Variants in PRELID2 observed in about 807,000 individuals in gnomAD.
The protein encoded by PRELID2 is PRELI domain-containing protein 2.
In PRELID2, 25 loss-of-function variants were observed where a neutral mutation model predicts 28.4. The observed-to-expected ratio is 0.88, with a 90% CI of 0.64 to 1.23. The LOEUF (loss-of-function observed/expected upper bound fraction) is 1.23, where lower values mean the gene tolerates loss of function less well. PRELID2 is among the 50% of genes most tolerant of loss of function. The probability of loss-of-function intolerance (pLI) is 0.00; values close to 1 mark genes in which losing one functional copy is unlikely to be tolerated. For synonymous variants in PRELID2, 76 were observed against 71.6 expected (o/e 1.06, Z -0.31); for missense variants, 201 against 214.4 (o/e 0.94, Z 0.39).
the PRELID2 span, among the ~76,000 whole-genome samples, chr5:145,282,193 A>T: frequency 6.6e-6 from 1 of 152,204 alleles, no homozygotes; most frequent in Admixed American, 6.5e-5. Flanking sequence ...ACTCATTTTT[A>T]TGGCTACCTT....
the PRELID2 span, among the ~76,000 whole-genome samples, chr5:145,392,803 C>T: frequency 0.31 from 47,126 of 151,944 alleles, 7,818 homozygotes; most frequent in East Asian, 0.7. Context: ...AACATGAACA[C>T]GAATGTTCTT....
At chr5:145,610,003 C>T (rs931328227) in intron 1 of PRELID2, among the ~76,000 whole-genome samples, 1 of 152,212 alleles carries the variant, frequency 6.6e-6, no homozygotes, top group Admixed American at 6.5e-5. Flanking sequence ...CTGGTCTGCT[C>T]CAGATCCCAA....
the PRELID2 span, among the ~76,000 whole-genome samples, chr5:145,405,513 A>C: frequency 6.6e-6 from 1 of 151,970 alleles, no homozygotes. Context: ...TTTCTGTTTC[A>C]CTTAACATAA....
At chr5:145,394,405 G>T in the PRELID2 span, among the ~76,000 whole-genome samples, 8 of 147,126 alleles carry the variant, frequency 5.4e-5, no homozygotes, top group African/African-American at 2.0e-4. Flanking sequence ...GACACAGGAG[G>T]GGGAACATCA....
At chr5:145,270,048 C>A in the PRELID2 span, among the ~76,000 whole-genome samples, 1 of 151,530 alleles carries the variant, frequency 6.6e-6, no homozygotes, top group Non-Finnish European at 1.5e-5. Flanking sequence ...CAATTGCACA[C>A]AGGCTAGAAT....
chr5:145,630,173 G>A (rs2149657952), intron 1 of PRELID2, among the ~76,000 whole-genome samples: 2 of 151,146 alleles, frequency 1.3e-5, no homozygotes, highest in Middle Eastern at 6.8e-3. Context: ...TGAGTGGGTG[G>A]ATAGGTGGAT....
intron 1 of PRELID2, among the ~76,000 whole-genome samples, chr5:145,503,466 A>C (rs1752377393): frequency 6.6e-6 from 1 of 152,200 alleles, no homozygotes; most frequent in South Asian, 2.1e-4. Flanking sequence ...ATACGAGCTC[A>C]CATTTATTAA....
the PRELID2 span, among the ~76,000 whole-genome samples, chr5:145,409,375 T>C: frequency 6.6e-6 from 1 of 152,170 alleles, no homozygotes; most frequent in African/African-American, 2.4e-5. Context: ...AATATCTCAA[T>C]ACTAACGTTG....
At chr5:145,237,581 T>G in the PRELID2 span, among the ~76,000 whole-genome samples, 3 of 152,106 alleles carry the variant, frequency 2.0e-5, no homozygotes, top group Non-Finnish European at 2.9e-5. Flanking sequence ...CGTTTGCTGG[T>G]CTAAAGCCGA....
chr5:145,388,808 C>T, the PRELID2 span, among the ~76,000 whole-genome samples: 10 of 152,092 alleles, frequency 6.6e-5, no homozygotes, highest in Non-Finnish European at 1.5e-5. Context: ...ACTATCTGGA[C>T]CACCCAATTT....
At chr5:145,807,183 A>G (rs2149837006) in intron 4 of PRELID2, among the ~76,000 whole-genome samples, 1 of 152,284 alleles carries the variant, frequency 6.6e-6, no homozygotes, top group East Asian at 1.9e-4. Context: ...TTCAGCTCCA[A>G]TACAATCTTA....
chr5:145,723,152 C>T (rs2149719074), intron 1 of PRELID2, among the ~76,000 whole-genome samples: 1 of 152,066 alleles, frequency 6.6e-6, no homozygotes, highest in South Asian at 2.1e-4. Flanking sequence ...TATTTACAAG[C>T]AAATAGAATT....
intron 1 of PRELID2, among the ~76,000 whole-genome samples, chr5:145,525,368 T>C (rs1752598338): frequency 6.6e-6 from 1 of 152,206 alleles, no homozygotes; most frequent in Non-Finnish European, 1.5e-5. Context: ...ACACCCTTGT[T>C]CTCCAAGAAT....
downstream of PRELID2, among the ~76,000 whole-genome samples, chr5:145,467,764 A>ATTT (rs35060118): frequency 7.6e-5 from 11 of 145,350 alleles, no homozygotes; most frequent in Non-Finnish European, 1.4e-4. Flanking sequence ...GACTTTACAG[A>ATTT]TTTTTTTTTT....
the PRELID2 span, among the ~76,000 whole-genome samples, chr5:145,403,589 A>G: frequency 1.3e-5 from 2 of 152,234 alleles, no homozygotes; most frequent in Non-Finnish European, 2.9e-5. Flanking sequence ...ACCTGCACTC[A>G]GACCTACTGG....
chr5:145,414,121 C>G, the PRELID2 span, among the ~76,000 whole-genome samples: 1 of 152,142 alleles, frequency 6.6e-6, no homozygotes, highest in South Asian at 2.1e-4. Flanking sequence ...TGGGAACTCT[C>G]TTGAAACATC....
intron 1 of PRELID2, among the ~76,000 whole-genome samples, chr5:145,586,748 G>T (rs1753158833): frequency 6.6e-6 from 1 of 150,918 alleles, no homozygotes; most frequent in African/African-American, 2.4e-5. Context: ...GAAAGTTTGA[G>T]ATTATTAAAT....
At chr5:145,339,222 A>AATTTTCT in the PRELID2 span, among the ~76,000 whole-genome samples, 1 of 152,212 alleles carries the variant, frequency 6.6e-6, no homozygotes. Flanking sequence ...ACTGCAAGTA[A>AATTTTCT]ATTTTCTAAG....
intron 1 of PRELID2, among the ~76,000 whole-genome samples, chr5:145,746,248 GGCGTGCTGTATT>G (rs1192324466): frequency 1.3e-5 from 2 of 152,068 alleles, no homozygotes; most frequent in African/African-American, 4.8e-5. Flanking sequence ...AAGACCCGTC[GGCGTGCTGTATT>G]CAGGAGACCA....
Sources: allele counts gnomAD v4.1 joint callset (sites outside exome capture counted in the v4.1 genomes callset), GRCh38; gene constraint gnomAD v4.1.1; transcripts MANE v1.5; gene names NCBI Gene and HGNC (gene_info 2026-07-23, HGNC 2026-07-21).